TSPEAR: variants seen among roughly 807,000 people sequenced by gnomAD.
TSPEAR encodes thrombospondin type laminin G domain and EAR repeats.
TSPEAR carries 69 observed loss-of-function variants against 71.6 expected under a neutral mutation model. That is an observed-to-expected ratio of 0.96 (90% confidence interval 0.79 to 1.18). The LOEUF (loss-of-function observed/expected upper bound fraction) is 1.18. Ranked by LOEUF, TSPEAR falls within the 50% of genes most tolerant of loss-of-function variation. The pLI is 0.00. For synonymous variants in TSPEAR, 402 were observed against 387.2 expected (o/e 1.04, Z -0.45); for missense variants, 971 against 894.9 (o/e 1.09, Z -1.09).
intron 10 of TSPEAR, 186 bp downstream of exon 10, chr21:44,509,013 C>T (rs2052277891): frequency 3.4e-6 from 5 of 1,489,436 alleles, no homozygotes; most frequent in Non-Finnish European, 4.6e-6. Context: ...CACTGACTTC[C>T]CCAGGCCAGG....
At chr21:44,639,980 G>C (rs587733749) in intron 1 of TSPEAR, among the ~76,000 whole-genome samples, 1 of 152,324 alleles carries the variant, frequency 6.6e-6, no homozygotes, top group African/African-American at 2.4e-5. Context: ...TTGGAAAACA[G>C]TTCCTCAAAA....
chr21:44,633,498 T>C (rs1983371215), intron 1 of TSPEAR, among the ~76,000 whole-genome samples: 1 of 152,264 alleles, frequency 6.6e-6, no homozygotes, highest in South Asian at 2.1e-4. Context: ...CTGGTTGTTA[T>C]AAGTATGTGT....
At chr21:44,600,691 T>C (rs1285523276) in intron 1 of TSPEAR, 2 of 1,613,572 alleles carry the variant, frequency 1.2e-6, no homozygotes, top group Non-Finnish European at 1.7e-6. Context: ...CCTTCCTGGT[T>C]CCTGTGACTC....
chr21:44,668,932 T>G (rs1055309427), intron 1 of TSPEAR, among the ~76,000 whole-genome samples: 4 of 152,056 alleles, frequency 2.6e-5, no homozygotes, highest in Admixed American at 2.6e-4. Flanking sequence ...GAAACTATTT[T>G]TTAAATGGGA....
At chr21:44,557,840 G>A (rs1336933657) in intron 2 of TSPEAR, 2 of 632,720 alleles carry the variant, frequency 3.2e-6, no homozygotes, top group Non-Finnish European at 5.5e-6. Flanking sequence ...CTCACATGGG[G>A]CAGGACACAG....
chr21:44,529,952 T>G lies in TSPEAR; in HGVS notation c.636A>C (p.Gly212=), dbSNP rs2145979513. The stretch of plus-strand genomic sequence containing the variant: ...GCAGCAGGACCAGTTGCCTCACCAG[T>G]CCCTGCAGAGAGAGGGACAGCTCCT... ...SRRRAKGLFM[G]LVRQLVLLPG... Residue 212 remains glycine, a splice_region_variant and synonymous_variant, in exon 5 of 12, where the codon GGA becomes GGC. Transcript: ENST00000323084. 1 of 1,594,912 alleles carries G rather than the reference T, an allele frequency of 6.3e-7. No individual in the cohort carries two copies. Among genetic ancestry groups the G allele is most frequent in the Non-Finnish European group, 8.5e-7 (1 of 1,174,292 alleles).
At chr21:44,696,517 A>G (rs9981573) in intron 1 of TSPEAR, among the ~76,000 whole-genome samples, 34,221 of 152,118 alleles carry the variant, frequency 0.22, 4,545 homozygotes, top group African/African-American at 0.38. Context: ...CATATTTACA[A>G]ACTTGCTCAG....
chr21:44,518,413 A>G (rs1289899467), intron 9 of TSPEAR: 1 of 409,686 alleles, frequency 2.4e-6, no homozygotes, highest in Non-Finnish European at 5.0e-6. Context: ...ACTTGGTGTT[A>G]TCACAGGGGC....
At chr21:44,558,854 T>TG (rs2053593159) in intron 2 of TSPEAR, 1 of 1,183,664 alleles carries the variant, frequency 8.4e-7, no homozygotes, top group Non-Finnish European at 1.2e-6. Context: ...GTGCTGCCCC[T>TG]GCCTGGCTTC....
intron 11 of TSPEAR, among the ~76,000 whole-genome samples, chr21:44,503,167 C>A (rs1199230098): frequency 7.5e-6 from 1 of 133,690 alleles, no homozygotes; most frequent in Admixed American, 7.7e-5. Context: ...CTCGGTGAGC[C>A]CTTGGGTGGA....
chr21:44,610,710 C>T (rs1323829366), intron 1 of TSPEAR, among the ~76,000 whole-genome samples: 1 of 152,202 alleles, frequency 6.6e-6, no homozygotes, highest in Non-Finnish European at 1.5e-5. Flanking sequence ...TGACACCTTG[C>T]ACCATGTGCC....
In TSPEAR at chr21:44,541,161, T is replaced by C. The variant is rs114945071; in HGVS notation, c.304-7238A>G. On this transcript the variant is annotated intron_variant, in intron 2 of 11. Coordinates refer to ENST00000323084, the MANE Select transcript of TSPEAR (RefSeq NM_144991.3). ...TTCCTTTCTTCAAACGTAAGCTGCA[T>C]GTGAGCAGGGAGTGTGTTTGTCTTG... 2.8e-3 allele frequency among the ~76,000 whole-genome samples: 434 copies of C among 152,302 alleles called. 5 individuals carry two copies. The highest frequency in any genetic ancestry group is 0.014 in the Middle Eastern group (4 of 294).
At chr21:44,708,940 G>A (rs1242119569) in intron 1 of TSPEAR, among the ~76,000 whole-genome samples, 1 of 152,250 alleles carries the variant, frequency 6.6e-6, no homozygotes, top group Non-Finnish European at 1.5e-5. Flanking sequence ...AGTGAATGAG[G>A]AGAGCCAGGT....
chr21:44,535,311 C>A (rs1454284708), intron 2 of TSPEAR, among the ~76,000 whole-genome samples: 1 of 152,090 alleles, frequency 6.6e-6, no homozygotes, highest in Non-Finnish European at 1.5e-5. Context: ...TTTTGGCTTC[C>A]TTTCCAATTT....
intron 1 of TSPEAR, chr21:44,677,445 G>T: frequency 1.1e-6 from 1 of 895,902 alleles, no homozygotes; most frequent in Non-Finnish European, 1.9e-6. Context: ...TTGCCTCAGA[G>T]CATCTTCAAA....
chr21:44,521,870 C>T lies in TSPEAR; in HGVS notation c.1566+13G>A, dbSNP rs370167540. The T allele has an allele frequency of 8.7e-6, 14 of 1,610,540 alleles. No individual in the cohort carries two copies. Among genetic ancestry groups the T allele is most frequent in the East Asian group, 2.2e-5 (1 of 44,848 alleles). ...CAGCAATGGAGAGCCGGGGCTCATGCGGGGGGCCTTACCGGGAAGGACTGG... is the reference window on the plus strand; with the variant it reads ...CAGCAATGGAGAGCCGGGGCTCATGTGGGGGGCCTTACCGGGAAGGACTGG... On this transcript the variant is annotated intron_variant, in intron 9 of 11. Coordinates refer to ENST00000323084, the MANE Select transcript of TSPEAR (RefSeq NM_144991.3).
intron 9 of TSPEAR, chr21:44,518,562 C>T (rs1251612105): frequency 2.2e-5 from 10 of 446,648 alleles, no homozygotes; most frequent in Middle Eastern, 3.4e-4. Flanking sequence ...CTCTCCGTGG[C>T]ACAACAGCTG....
chr21:44,632,913 T>C (rs1983337291), intron 1 of TSPEAR, among the ~76,000 whole-genome samples: 1 of 152,226 alleles, frequency 6.6e-6, no homozygotes, highest in Non-Finnish European at 1.5e-5. Context: ...TGTATGTTAA[T>C]AGGAATTTAT....
chr21:44,635,611 A>T (rs1555936513), intron 1 of TSPEAR, among the ~76,000 whole-genome samples: 1 of 152,150 alleles, frequency 6.6e-6, no homozygotes, highest in East Asian at 1.9e-4. Context: ...TGTGCAGAAC[A>T]GGCAAATCCA....
Sources: allele counts gnomAD v4.1 joint callset (sites outside exome capture counted in the v4.1 genomes callset), GRCh38; gene constraint gnomAD v4.1.1; transcripts MANE v1.5; gene names NCBI Gene and HGNC (gene_info 2026-07-23, HGNC 2026-07-21).